The following ETS1 variants were observed in gnomAD, a reference collection of about 807,000 sequenced individuals.
ETS1 encodes the protein protein C-ets-1.
ETS1 carries 15 observed loss-of-function variants against 58.6 expected under a neutral mutation model. The ratio of observed to expected loss-of-function variants is 0.26; its 90% confidence interval spans 0.17 to 0.39. ETS1 has a LOEUF of 0.39. Ranked by LOEUF, ETS1 falls within the 10% of genes least tolerant of loss-of-function variation. ETS1 has a pLI of 1.00. For missense variants in ETS1, 417 were observed against 610.5 expected (o/e 0.68, Z 3.34); for synonymous variants, 214 against 218.2 (o/e 0.98, Z 0.17).
At chr11:128,497,745 T>C (rs1386664947) in intron 3 of ETS1, among the ~76,000 whole-genome samples, 3 of 152,242 alleles carry the variant, frequency 2.0e-5, no homozygotes, top group Non-Finnish European at 2.9e-5. Context: ...AAGCTATTTT[T>C]AATCACTGGA....
intron 8 of ETS1, among the ~76,000 whole-genome samples, chr11:128,471,673 G>T (rs1469302204): frequency 6.6e-6 from 1 of 152,186 alleles, no homozygotes; most frequent in Non-Finnish European, 1.5e-5. Context: ...TTGGATTTGG[G>T]GGAAGGGGAT....
Position 128,522,429 on chromosome 11 carries a change from G to T in ETS1, c.215-31853C>A, listed in dbSNP as rs868821870. On this transcript the variant is annotated intron_variant, in intron 3 of 9. Coordinates refer to ENST00000392668, the MANE Select transcript of ETS1 (RefSeq NM_001143820.2). ...GCCCTGGGCCGGGCGATGTCCGCTT[G>T]GGGGAGCGAGGGGCGGGGCGTCGGG... 15 of 823,818 alleles carry T rather than the reference G, an allele frequency of 1.8e-5. No individual in the cohort carries two copies. The African/African-American group carries it at 1.8e-4, about 10-fold the overall frequency. 51.0% of individuals were successfully genotyped at this position (823,818 alleles called of 1,614,324 possible). A position where few individuals can be genotyped will look rare whatever the true frequency, so the allele number is the denominator to read the frequency against.
At chr11:128,522,476 G>A (rs865794273) in intron 3 of ETS1, 12 of 469,000 alleles carry the variant, frequency 2.6e-5, no homozygotes, top group African/African-American at 2.5e-4. Flanking sequence ...AGCCGGGGGC[G>A]GGGCCGAGCA....
chr11:128,576,405 A>T lies in ETS1; in HGVS notation c.-14-3261T>A, dbSNP rs555412202. On this transcript the variant is annotated intron_variant, in intron 1 of 9. Transcript: ENST00000392668. Reference sequence around the variant, plus strand: ...TGGCAAAAGAGAATTCCCTCCCACAAGACAACTGCTTGAACATCAGCTGCA... The same window carrying T: ...TGGCAAAAGAGAATTCCCTCCCACATGACAACTGCTTGAACATCAGCTGCA... Among the ~76,000 whole-genome samples the T allele has an allele frequency of 9.2e-5, 14 of 152,166 alleles. No homozygotes were observed. In the East Asian group the frequency reaches 2.3e-3, roughly 25 times the overall value.
At chr11:128,568,679 C>T (rs1275413430) in intron 2 of ETS1, among the ~76,000 whole-genome samples, 3 of 152,218 alleles carry the variant, frequency 2.0e-5, no homozygotes, top group Non-Finnish European at 4.4e-5. Flanking sequence ...AATGTGAATT[C>T]TGTGCAAAAC....
intron 2 of ETS1, among the ~76,000 whole-genome samples, chr11:128,566,761 C>G (rs573278858): frequency 3.7e-4 from 54 of 147,224 alleles, no homozygotes; most frequent in African/African-American, 1.3e-3. Context: ...CCAGCCTGGG[C>G]GACAGAGCAA....
intron 3 of ETS1, among the ~76,000 whole-genome samples, chr11:128,511,145 G>T (rs75872598): frequency 8.9e-4 from 135 of 152,228 alleles, no homozygotes; most frequent in African/African-American, 3.1e-3. Context: ...ATTGTGTTTT[G>T]TGTTTCCTGA....
rs183825706 is a variant in ETS1 at position 128,469,558 on chromosome 11, T to G, written c.1124-5931A>C. 3.3e-3 allele frequency among the ~76,000 whole-genome samples: 501 copies of G among 152,276 alleles called. 7 individuals carry two copies. The highest frequency in any genetic ancestry group is 6.2e-4 in the Non-Finnish European group (42 of 68,006). On this transcript the variant is annotated intron_variant, in intron 8 of 9. Transcript: ENST00000392668. ...CCCTTTCTGTCAACCCTCTTCTAAA[T>G]CACCATTCACAAAGGCCCCTAAATC...
At chr11:128,546,864 A>C (rs952571129) in intron 3 of ETS1, among the ~76,000 whole-genome samples, 14 of 152,172 alleles carry the variant, frequency 9.2e-5, no homozygotes, top group Admixed American at 9.2e-4. Flanking sequence ...TAGAAAGGCC[A>C]TGAGACGCAG....
intron 8 of ETS1, among the ~76,000 whole-genome samples, chr11:128,470,343 C>T (rs562498163): frequency 6.6e-6 from 1 of 152,304 alleles, no homozygotes; most frequent in African/African-American, 2.4e-5. Flanking sequence ...TGTGGGAAAG[C>T]CCCGGGTAGG....
At chr11:128,482,815 T>G (rs1364805240) in intron 7 of ETS1, among the ~76,000 whole-genome samples, 1 of 152,134 alleles carries the variant, frequency 6.6e-6, no homozygotes, top group African/African-American at 2.4e-5. Flanking sequence ...GGCGAGCTCC[T>G]TCCAAAGCTA....
At chr11:128,497,237 C>T (rs1274106563) in intron 3 of ETS1, among the ~76,000 whole-genome samples, 1 of 152,218 alleles carries the variant, frequency 6.6e-6, no homozygotes, top group African/African-American at 2.4e-5. Context: ...GTTACAGTAT[C>T]TCGGTTTGCT....
intron 5 of ETS1, among the ~76,000 whole-genome samples, chr11:128,487,001 T>C (rs951050265): frequency 2.6e-5 from 4 of 152,236 alleles, no homozygotes; most frequent in Non-Finnish European, 4.4e-5. Context: ...CAAAGTCTGA[T>C]GGGAAAACAA....
intron 2 of ETS1, among the ~76,000 whole-genome samples, chr11:128,569,579 CA>C (rs531303604): frequency 1.1e-3 from 161 of 152,026 alleles, no homozygotes; most frequent in Middle Eastern, 0.01. Flanking sequence ...TCTCTAGTGC[CA>C]ATGTCCTAAG....
At chr11:128,493,078 C>T (rs1206782514) in intron 3 of ETS1, among the ~76,000 whole-genome samples, 1 of 152,082 alleles carries the variant, frequency 6.6e-6, no homozygotes, top group Non-Finnish European at 1.5e-5. Flanking sequence ...GGAAATTGGC[C>T]AGGACAACAC....
At chr11:128,480,060 G>A in intron 8 of ETS1, 131 bp downstream of exon 8, 1 of 1,225,266 alleles carries the variant, frequency 8.2e-7, no homozygotes, top group Non-Finnish European at 1.1e-6. Flanking sequence ...AATTCTTAGA[G>A]AGACTTCTCC....
In ETS1 at chr11:128,485,083, G is replaced by C. The variant is rs1468558259; in HGVS notation, c.614-12C>G. 1.9e-6 allele frequency: 3 copies of C among 1,605,172 alleles called. No homozygotes were observed. The highest frequency in any genetic ancestry group is 3.4e-5 in the Admixed American group (2 of 59,552). ...CTCAATACCATAGCCTGGAAACAAA[G>C]GGTTTGCAAGTAAAGAGAGGAGAGA... On this transcript the variant is annotated splice_polypyrimidine_tract_variant and intron_variant, in intron 6 of 9. Coordinates refer to ENST00000392668, the MANE Select transcript of ETS1 (RefSeq NM_001143820.2).
intron 3 of ETS1, among the ~76,000 whole-genome samples, chr11:128,538,841 G>T (rs1864012583): frequency 6.6e-6 from 1 of 152,072 alleles, no homozygotes; most frequent in Admixed American, 6.5e-5. Flanking sequence ...GCACTGTAGT[G>T]AGCAGTATTG....
chr11:128,557,727 A>C (rs1421060910), intron 2 of ETS1, among the ~76,000 whole-genome samples: 1 of 152,204 alleles, frequency 6.6e-6, no homozygotes, highest in Non-Finnish European at 1.5e-5. Context: ...CCAACTAAGG[A>C]AACCAAACTC....
Sources: gnomAD v4.1 joint callset for allele counts (sites outside exome capture counted in the v4.1 genomes callset) on GRCh38, gnomAD v4.1.1 for gene constraint, MANE v1.5 for transcripts, NCBI Gene and HGNC (gene_info 2026-07-23, HGNC 2026-07-21) for gene names.